The following DEF8 variants were observed in gnomAD, a reference collection of about 807,000 sequenced individuals.
DEF8 encodes DEF-8.
A neutral mutation model predicts 59.1 loss-of-function variants in DEF8; 38 were observed. That is an observed-to-expected ratio of 0.64 (90% CI 0.50 to 0.84). DEF8 has a LOEUF of 0.84. DEF8 is among the 40% of genes least tolerant of loss of function. The pLI is 0.00. For missense variants in DEF8, 557 were observed against 615.2 expected (o/e 0.91, Z 1.00); for synonymous variants, 265 against 250.1 (o/e 1.06, Z -0.56).
Position 89,967,548 on chromosome 16 carries a change from C to A in DEF8, c.*1585C>A. On this transcript the variant is annotated 3_prime_UTR_variant, in exon 13 of 13. Transcript: ENST00000563594. ...CGGTGAGCAGGGAACATGTCGGAGT[C>A]CTTCAGAGAATGTGATGTGAGGTTG... The A allele has an allele frequency of 5.0e-6, 2 of 398,390 alleles. No homozygotes were observed. The highest frequency in any genetic ancestry group is 2.6e-4 in the South Asian group (2 of 7,622). 24.7% of individuals were successfully genotyped at this position (398,390 alleles called of 1,614,324 possible).
chr16:89,955,386 GTC>G, intron 4 of DEF8, 120 bp downstream of exon 4: 1 of 794,480 alleles, frequency 1.3e-6, no homozygotes, highest in South Asian at 1.6e-5. Flanking sequence ...CTGGGGTACA[GTC>G]TCACTCCATT....
In DEF8 at chr16:89,967,150, C is replaced by T. The variant is rs2034645484; in HGVS notation, c.*1187C>T. Reference sequence around the variant, plus strand: ...GACGTGTCAGGACGTGGCTTCCCAGCCTTCTGCCTTGGGCAGTGGGGGTGC... The same window carrying T: ...GACGTGTCAGGACGTGGCTTCCCAGTCTTCTGCCTTGGGCAGTGGGGGTGC... On this transcript the variant is annotated 3_prime_UTR_variant, in exon 13 of 13. Transcript: ENST00000563594. The T allele has an allele frequency of 2.5e-6, 1 of 397,446 alleles. No homozygotes were observed. The highest frequency in any genetic ancestry group is 3.6e-5 in the East Asian group (1 of 28,048). The allele number at this position is 397,446 out of a possible 1,614,324, so 24.6% of individuals were successfully genotyped here.
chr16:89,957,636 C>G lies in DEF8; in HGVS notation c.348C>G (p.Leu116=), dbSNP rs757055290. The change falls in exon 5 of 13, where the codon CTC becomes CTG. Residue 116 remains leucine, a synonymous_variant. Transcript: ENST00000563594. ...ATGCCGTGGTGCGACTCATCCACCT[C>G]CGGCTGAAGCTCCAGGAGCTGAAGG... ...QKDAVVRLIH[L]RLKLQELKDP... 8.3e-6 allele frequency: 13 copies of G among 1,567,952 alleles called. No individual in the cohort carries two copies. The East Asian group carries it at 2.4e-4, about 29-fold the overall frequency.
At chr16:89,955,367 T>C (rs942608908) in intron 4 of DEF8, 101 bp downstream of exon 4, 2 of 948,540 alleles carry the variant, frequency 2.1e-6, no homozygotes, top group Admixed American at 3.8e-5. Flanking sequence ...CAGGGCAGTG[T>C]CCTGTGAGCT....
In DEF8 at chr16:89,959,148, C is replaced by G. The variant is rs200887651; in HGVS notation, c.507C>G (p.Thr169=). Residue 169 remains threonine, a synonymous_variant, in exon 6 of 13, where the codon ACC becomes ACG. Coordinates refer to ENST00000563594, the MANE Select transcript of DEF8 (RefSeq NM_001242818.2). Reference sequence around the variant, plus strand: ...GGGGGCTCATTCAGACCTGGTACACCTGCACAGGTGGGCCGAGACCCAGAC... The same window carrying G: ...GGGGGCTCATTCAGACCTGGTACACGTGCACAGGTGGGCCGAGACCCAGAC... ...IIWGLIQTWY[T]CTGCYYRCHS... 251 of 1,613,942 alleles carry G rather than the reference C, an allele frequency of 1.6e-4. No homozygotes were observed. The East Asian group carries it at 4.8e-3, about 31-fold the overall frequency.
intron 10 of DEF8, 59 bp downstream of exon 10, chr16:89,963,502 C>G: frequency 6.7e-7 from 1 of 1,484,478 alleles, no homozygotes; most frequent in Non-Finnish European, 9.3e-7. Context: ...GGTGAGGCAC[C>G]TCAGGCTCAG....
rs138315928 is a variant in DEF8 at position 89,959,531 on chromosome 16, A to G, written c.514+376A>G. Among the ~76,000 whole-genome samples the G allele has an allele frequency of 1.6e-4, 24 of 152,294 alleles. No homozygotes were observed. In the East Asian group the frequency reaches 1.7e-3, roughly 11 times the overall value. ...TGTTTTTGAGACGGAGTCTCACTCA[A>G]TCGCCCAGGCTGGAGTGCAGTGGTG... On this transcript the variant is annotated intron_variant, in intron 6 of 12. Transcript: ENST00000563594.
Position 89,963,349 on chromosome 16 carries a change from C to G in DEF8, c.922-14C>G, listed in dbSNP as rs377483048. Reference sequence around the variant, plus strand: ...CTGGCTGAGGAGGCCTGCCTGCTCCCGCCTTGTTTGCAGAAGCTGCGCCAG... The same window carrying G: ...CTGGCTGAGGAGGCCTGCCTGCTCCGGCCTTGTTTGCAGAAGCTGCGCCAG... On this transcript the variant is annotated splice_polypyrimidine_tract_variant and intron_variant, in intron 9 of 12. Coordinates refer to ENST00000563594, the MANE Select transcript of DEF8 (RefSeq NM_001242818.2). The G allele has an allele frequency of 5.0e-6, 8 of 1,612,290 alleles. No individual in the cohort carries two copies. The African/African-American group carries it at 8.0e-5, about 16-fold the overall frequency.
In DEF8 at chr16:89,964,539, C is replaced by G. The variant is rs1468926753; in HGVS notation, c.1217C>G (p.Thr406Arg). The change falls in exon 12 of 13, where the codon ACG becomes AGG. Residue 406 changes from threonine to arginine, a missense_variant. Thr to Arg is a moderately conservative substitution (Grantham distance 71). Transcript: ENST00000563594. ...GDVLFPFDSHTSVCADCSAVF... is the reference protein window; with the variant it reads ...GDVLFPFDSHRSVCADCSAVF... Reference sequence around the variant, plus strand: ...GTGCTGTTCCCGTTCGACAGCCACACGTCTGTGTGCGCCGACTGCTCCGCG... The same window carrying G: ...GTGCTGTTCCCGTTCGACAGCCACAGGTCTGTGTGCGCCGACTGCTCCGCG... The G allele has an allele frequency of 6.3e-7, 1 of 1,589,864 alleles. No homozygotes were observed. Among genetic ancestry groups the G allele is most frequent in the Admixed American group, 1.8e-5 (1 of 56,734 alleles).
chr16:89,952,926 T>C (rs2032454359), intron 2 of DEF8, among the ~76,000 whole-genome samples: 2 of 152,216 alleles, frequency 1.3e-5, no homozygotes, highest in Admixed American at 1.3e-4. Context: ...CTTATCCCAC[T>C]GCCAGTGAGG....
chr16:89,961,160 G>A, intron 7 of DEF8, 65 bp downstream of exon 7: 4 of 1,560,594 alleles, frequency 2.6e-6, no homozygotes, highest in Non-Finnish European at 2.6e-6. Context: ...GGGTGCACAG[G>A]TGTGTAAGGG....
In DEF8 at chr16:89,954,394, T is replaced by G; in HGVS notation, c.124+18T>G. 1 of 1,611,256 alleles carries G rather than the reference T, an allele frequency of 6.2e-7. No homozygotes were observed. The highest frequency in any genetic ancestry group is 8.5e-7 in the Non-Finnish European group (1 of 1,178,724). ...TCCTGAAGGTGGGTGCTGGTGGGAG[T>G]CAGGGTGGGAGCTGGGCAGGTCTCT... On this transcript the variant is annotated intron_variant, in intron 3 of 12. Transcript: ENST00000563594. The surrounding 1 kb of genome is among the most constrained non-coding windows in gnomAD (Gnocchi z 4.3).
intron 7 of DEF8, 98 bp from the exon 8 acceptor site, chr16:89,961,639 C>T: frequency 6.7e-7 from 1 of 1,492,242 alleles, no homozygotes; most frequent in South Asian, 1.2e-5. Flanking sequence ...CCATGTCTCC[C>T]CGAGGGCTGT....
At position 89,961,744 on chromosome 16, in the gene DEF8, G is replaced by A. The variant is rs1286180418; in HGVS notation, c.687G>A (p.Val229=). The change falls in exon 8 of 13, where the codon GTG becomes GTA. Residue 229 remains valine (V), a synonymous_variant. Transcript: ENST00000563594. The stretch of plus-strand genomic sequence containing the variant: ...GCCCCTCTGACCCTGCAGGGGGTGT[G>A]CCCAGTGAGGCCAGGCAGTGCGACT... ...ECRAPISLRG[V]PSEARQCDYT... 2.5e-6 allele frequency: 4 copies of A among 1,613,346 alleles called. No homozygotes were observed. The highest frequency in any genetic ancestry group is 3.3e-5 in the Admixed American group (2 of 60,006).
At position 89,965,745 on chromosome 16, in the gene DEF8, ACTCTGCCCTTTGGT is replaced by A. The variant is rs2034555886; in HGVS notation, c.1254-115_1254-102del. On this transcript the variant is annotated intron_variant, in intron 12 of 12. Transcript: ENST00000563594. ...CACTTGCATCTGGCTGCAGACTCCG[ACTCTGCCCTTTGGT>A]AACGGCTGTAGAGGGGATGATAGGA... is the stretch of plus-strand genomic sequence containing the variant. The A allele has an allele frequency of 3.7e-5, 24 of 653,138 alleles. No homozygotes were observed. The South Asian group carries it at 4.5e-4, about 12-fold the overall frequency. The allele number at this position is 653,138 out of a possible 1,614,324, so 40.5% of individuals were successfully genotyped here. A position where few individuals can be genotyped will look rare whatever the true frequency, so the allele number is the denominator to read the frequency against.
chr16:89,949,259 G>A (rs952722942), intron 1 of DEF8, among the ~76,000 whole-genome samples, 158 bp from the exon 2 acceptor site: 11 of 151,940 alleles, frequency 7.2e-5, no homozygotes, highest in Non-Finnish European at 1.3e-4. Flanking sequence ...GACCCGCGTG[G>A]CCGTGCCCCC....
chr16:89,951,804 C>T (rs2032146385), intron 2 of DEF8, among the ~76,000 whole-genome samples: 2 of 151,634 alleles, frequency 1.3e-5, no homozygotes, highest in African/African-American at 4.9e-5. Context: ...GAAGTCTTTT[C>T]TTTTTTCTCA....
chr16:89,958,725 C>G (rs1251658618), intron 5 of DEF8, among the ~76,000 whole-genome samples: 2 of 152,210 alleles, frequency 1.3e-5, no homozygotes, highest in Non-Finnish European at 2.9e-5. Context: ...CCGGGTCGCT[C>G]CCGCTCACAT....
At position 89,966,288 on chromosome 16, in the gene DEF8, C is replaced by T. The variant is rs976401701; in HGVS notation, c.*325C>T. ...CCATGGCACAGAGCCCTCCACACCC[C>T]TGGACCAGGGCATCCGGGCCCTAGA... On this transcript the variant is annotated 3_prime_UTR_variant, in exon 13 of 13. Coordinates refer to ENST00000563594, the MANE Select transcript of DEF8 (RefSeq NM_001242818.2). The T allele has an allele frequency of 4.4e-6, 1 of 225,440 alleles. No individual in the cohort carries two copies. Among genetic ancestry groups the T allele is most frequent in the African/African-American group, 2.3e-5 (1 of 43,772 alleles). The allele number at this position is 225,440 out of a possible 1,614,324, so 14.0% of individuals were successfully genotyped here.
Sources: gnomAD v4.1 joint callset for allele counts (sites outside exome capture counted in the v4.1 genomes callset) on GRCh38, gnomAD v4.1.1 for gene constraint, Gnocchi (gnomAD v3.1) non-coding constraint, MANE v1.5 for transcripts, NCBI Gene and HGNC (gene_info 2026-07-23, HGNC 2026-07-21) for gene names.